The following DTD1 variants were observed in gnomAD, a reference collection of about 807,000 sequenced individuals.
DTD1 encodes D-aminoacyl-tRNA deacylase 1.
In DTD1, 13 loss-of-function variants were observed where a neutral mutation model predicts 25.6. The observed-to-expected ratio is 0.51, with a 90% CI of 0.33 to 0.81. The LOEUF is 0.81. DTD1 is among the 30% of genes least tolerant of loss of function. The pLI is 0.02. For missense variants in DTD1, 193 were observed against 266.4 expected, an observed-to-expected ratio of 0.72 and a Z score of 1.92; for synonymous variants, 110 against 103.6, an observed-to-expected ratio of 1.06 and a Z score of -0.37.
rs142270615 is a variant in DTD1 at position 18,748,617 on chromosome 20, C to T, written c.*19+4346C>T. 2.8e-3 allele frequency among the ~76,000 whole-genome samples: 421 copies of T among 152,198 alleles called. 2 individuals are homozygous for T. The highest frequency in any genetic ancestry group is 9.6e-3 in the African/African-American group (397 of 41,520). ...GTTACTGCATGTGTCACAGAACATACAGGAGAACACGCTCATAGAAGGAGA... is the reference window on the plus strand; with the variant it reads ...GTTACTGCATGTGTCACAGAACATATAGGAGAACACGCTCATAGAAGGAGA... On this transcript the variant is annotated intron_variant, in intron 5 of 5. Transcript: ENST00000377452.
At chr20:18,667,728 T>C (rs1271013098) in intron 4 of DTD1, among the ~76,000 whole-genome samples, 1 of 152,188 alleles carries the variant, frequency 6.6e-6, no homozygotes, top group Non-Finnish European at 1.5e-5. Flanking sequence ...GTCCAGTCAC[T>C]TGCCGCTTCT....
At chr20:18,618,215 A>G (rs1394726391) in intron 3 of DTD1, among the ~76,000 whole-genome samples, 1 of 152,246 alleles carries the variant, frequency 6.6e-6, no homozygotes, top group African/African-American at 2.4e-5. Flanking sequence ...TTGAACTTCT[A>G]GAATTTCACC....
intron 3 of DTD1, among the ~76,000 whole-genome samples, chr20:18,597,804 G>A (rs2060617652): frequency 6.6e-6 from 1 of 152,034 alleles, no homozygotes; most frequent in Non-Finnish European, 1.5e-5. Context: ...AACCTGTCTT[G>A]CTTCCTTCTT....
chr20:18,634,827 A>AG (rs2060800967), intron 4 of DTD1, among the ~76,000 whole-genome samples: 2 of 152,196 alleles, frequency 1.3e-5, no homozygotes, highest in South Asian at 4.1e-4. Context: ...GGTGAAATGA[A>AG]GGACACATGA....
chr20:18,677,362 A>G (rs2060980381), intron 4 of DTD1, among the ~76,000 whole-genome samples: 1 of 151,870 alleles, frequency 6.6e-6, no homozygotes, highest in Non-Finnish European at 1.5e-5. Flanking sequence ...TGAGTTATGT[A>G]GGGAACAGTT....
chr20:18,662,265 T>C (rs957085711), intron 4 of DTD1, among the ~76,000 whole-genome samples: 3 of 152,148 alleles, frequency 2.0e-5, no homozygotes, highest in African/African-American at 7.2e-5. Flanking sequence ...TCAATAATAC[T>C]AGCAATTTTT....
At chr20:18,707,059 A>G (rs779246403) in intron 4 of DTD1, among the ~76,000 whole-genome samples, 8 of 152,126 alleles carry the variant, frequency 5.3e-5, no homozygotes, top group Non-Finnish European at 8.8e-5. Flanking sequence ...GGTGGCCCCA[A>G]ATGTCTCTCA....
intron 4 of DTD1, among the ~76,000 whole-genome samples, chr20:18,649,546 C>A (rs1265312186): frequency 6.6e-6 from 1 of 151,708 alleles, no homozygotes; most frequent in African/African-American, 2.4e-5. Context: ...ACTGTGTTAG[C>A]CAGGATGGTC....
intron 5 of DTD1, among the ~76,000 whole-genome samples, chr20:18,746,100 A>G (rs1408091233): frequency 6.6e-6 from 1 of 152,154 alleles, no homozygotes; most frequent in East Asian, 1.9e-4. Context: ...GGGGTTGCTG[A>G]CGGTACCTAT....
Position 18,718,850 on chromosome 20 carries a change from G to A in DTD1, c.478-25250G>A, listed in dbSNP as rs565999627. Among the ~76,000 whole-genome samples the A allele has an allele frequency of 1.8e-4, 28 of 152,264 alleles. No individual in the cohort carries two copies. In the South Asian group the frequency reaches 5.8e-3, roughly 32 times the overall value. Reference sequence around the variant, plus strand: ...TGGCCCACATAAGAATCCAGAGTTAGGCATGTCAGGGGAGTGGTAGCTCTG... The same window carrying A: ...TGGCCCACATAAGAATCCAGAGTTAAGCATGTCAGGGGAGTGGTAGCTCTG... On this transcript the variant is annotated intron_variant, in intron 4 of 5. Transcript: ENST00000377452.
At chr20:18,707,723 CAGA>C (rs2061132142) in intron 4 of DTD1, among the ~76,000 whole-genome samples, 1 of 152,122 alleles carries the variant, frequency 6.6e-6, no homozygotes, top group Non-Finnish European at 1.5e-5. Context: ...GGCTTTGCCG[CAGA>C]AACTCTTACA....
At chr20:18,591,405 C>G (rs2060588878) in intron 1 of DTD1, among the ~76,000 whole-genome samples, 1 of 152,102 alleles carries the variant, frequency 6.6e-6, no homozygotes, top group East Asian at 1.9e-4. Flanking sequence ...GCCATATGTC[C>G]AGCAAGATGG....
chr20:18,757,261 A>G (rs1010150278), intron 5 of DTD1, among the ~76,000 whole-genome samples: 11 of 152,138 alleles, frequency 7.2e-5, no homozygotes, highest in African/African-American at 2.4e-4. Flanking sequence ...AATACCCTTT[A>G]TTTCCTTCTC....
intron 4 of DTD1, among the ~76,000 whole-genome samples, chr20:18,719,891 C>T (rs553285432): frequency 6.6e-6 from 1 of 152,330 alleles, no homozygotes; most frequent in East Asian, 1.9e-4. Flanking sequence ...AAATCTGGTT[C>T]TTGAGTCTGA....
chr20:18,722,379 G>A (rs2061207583), intron 4 of DTD1, among the ~76,000 whole-genome samples: 1 of 152,216 alleles, frequency 6.6e-6, no homozygotes, highest in Admixed American at 6.5e-5. Context: ...AGGGCCAAGT[G>A]GAGCAATGCA....
intron 5 of DTD1, among the ~76,000 whole-genome samples, chr20:18,759,117 A>G (rs2061350868): frequency 6.6e-6 from 1 of 151,608 alleles, no homozygotes; most frequent in South Asian, 2.1e-4. Flanking sequence ...TTTTATTTTG[A>G]GCATATGTGT....
chr20:18,649,380 C>T (rs2122351862), intron 4 of DTD1, among the ~76,000 whole-genome samples: 1 of 120,068 alleles, frequency 8.3e-6, no homozygotes, highest in Admixed American at 1.1e-4. Context: ...GCTCTGTCGC[C>T]CAGGATGGAG....
chr20:18,703,451 T>C (rs2061113412), intron 4 of DTD1, among the ~76,000 whole-genome samples: 1 of 152,164 alleles, frequency 6.6e-6, no homozygotes, highest in Non-Finnish European at 1.5e-5. Flanking sequence ...TCTTCTATTA[T>C]TGCTATTTTC....
At chr20:18,687,121 G>A (rs114408138) in intron 4 of DTD1, among the ~76,000 whole-genome samples, 1,748 of 152,328 alleles carry the variant, frequency 0.011, 29 homozygotes, top group African/African-American at 0.039. Context: ...GAAGGATGGG[G>A]CTTCCTAGTG....
Sources: allele counts gnomAD v4.1 joint callset (sites outside exome capture counted in the v4.1 genomes callset), GRCh38; gene constraint gnomAD v4.1.1; transcripts MANE v1.5; gene names NCBI Gene and HGNC (gene_info 2026-07-23, HGNC 2026-07-21).